The following PEBP4 variants were observed in gnomAD, a reference collection of about 807,000 sequenced individuals.
PEBP4 encodes the protein phosphatidylethanolamine binding protein 4, also known as phosphatidylethanolamine-binding protein 4.
PEBP4 carries 22 observed loss-of-function variants against 23.9 expected under a neutral mutation model. The ratio of observed to expected loss-of-function variants is 0.92; its 90% CI spans 0.66 to 1.31. The LOEUF (loss-of-function observed/expected upper bound fraction) is 1.31. Ranked by LOEUF, PEBP4 falls within the 40% of genes most tolerant of loss-of-function variation. The pLI, the probability that PEBP4 is intolerant of heterozygous loss-of-function variation, is 0.00. For missense variants in PEBP4, 324 were observed against 281.7 expected (o/e 1.15, Z -1.07); for synonymous variants, 112 against 99.3 (o/e 1.13, Z -0.76).
At chr8:22,923,231 G>T (rs1262938097) in intron 2 of PEBP4, among the ~76,000 whole-genome samples, 1 of 152,144 alleles carries the variant, frequency 6.6e-6, no homozygotes, top group African/African-American at 2.4e-5. Context: ...CCAGGCTTCA[G>T]TTTGAGCTAG....
At chr8:22,774,285 C>T (rs948213875) in intron 4 of PEBP4, among the ~76,000 whole-genome samples, 16 of 152,192 alleles carry the variant, frequency 1.1e-4, no homozygotes, top group Non-Finnish European at 2.1e-4. Context: ...TTCTGCATCT[C>T]ACTCATCTCC....
chr8:22,918,545 A>C (rs1235681119), intron 3 of PEBP4, among the ~76,000 whole-genome samples: 1 of 152,172 alleles, frequency 6.6e-6, no homozygotes, highest in Non-Finnish European at 1.5e-5. Flanking sequence ...TCTGGAGGAC[A>C]CCAGGTGCTC....
intron 3 of PEBP4, among the ~76,000 whole-genome samples, chr8:22,891,091 G>A (rs1466847085): frequency 1.3e-5 from 2 of 152,204 alleles, no homozygotes; most frequent in African/African-American, 4.8e-5. Context: ...GCATCCCAAA[G>A]TGCTGGGATT....
At chr8:22,796,853 A>C (rs1032362809) in intron 4 of PEBP4, among the ~76,000 whole-genome samples, 1 of 152,076 alleles carries the variant, frequency 6.6e-6, no homozygotes, top group African/African-American at 2.4e-5. Flanking sequence ...AATGTACACT[A>C]TTTGGGTGAT....
At chr8:22,820,276 T>A (rs1806831623) in intron 3 of PEBP4, among the ~76,000 whole-genome samples, 2 of 152,188 alleles carry the variant, frequency 1.3e-5, no homozygotes, top group Non-Finnish European at 2.9e-5. Flanking sequence ...ATACCATAGG[T>A]ATGTGGTAGG....
At chr8:22,860,552 G>A (rs146461048) in intron 3 of PEBP4, among the ~76,000 whole-genome samples, 271 of 152,238 alleles carry the variant, frequency 1.8e-3, no homozygotes, top group African/African-American at 6.1e-3. Context: ...AGTAGCATGG[G>A]CCAGAATTTC....
intron 4 of PEBP4, among the ~76,000 whole-genome samples, chr8:22,756,356 A>G (rs1345202064): frequency 6.6e-6 from 1 of 152,336 alleles, no homozygotes; most frequent in Non-Finnish European, 1.5e-5. Flanking sequence ...GCCCCAGCTC[A>G]GGAGAGCTAA....
intron 6 of PEBP4, among the ~76,000 whole-genome samples, chr8:22,718,436 A>G (rs752511057): frequency 1.3e-5 from 2 of 152,206 alleles, no homozygotes; most frequent in Non-Finnish European, 2.9e-5. Context: ...TGGTTTCTTC[A>G]CGATGTGTTC....
At chr8:22,720,863 A>G (rs775837134) in intron 6 of PEBP4, among the ~76,000 whole-genome samples, 6 of 152,190 alleles carry the variant, frequency 3.9e-5, no homozygotes, top group Non-Finnish European at 7.3e-5. Flanking sequence ...CAGGGACACC[A>G]TCACATGGTG....
chr8:22,793,935 T>C (rs954695642), intron 4 of PEBP4, among the ~76,000 whole-genome samples: 1 of 152,216 alleles, frequency 6.6e-6, no homozygotes, highest in East Asian at 1.9e-4. Context: ...TATGAGAAGA[T>C]ACTGGATGAC....
upstream of PEBP4, among the ~76,000 whole-genome samples, chr8:22,931,089 T>G (rs1007417445): frequency 1.3e-5 from 2 of 152,194 alleles, no homozygotes; most frequent in African/African-American, 4.8e-5. Context: ...AATCACTGCC[T>G]AGGCCTCACT....
intron 3 of PEBP4, among the ~76,000 whole-genome samples, chr8:22,869,795 G>A (rs1160040589): frequency 6.6e-6 from 1 of 152,148 alleles, no homozygotes; most frequent in East Asian, 1.9e-4. Flanking sequence ...TCCCAAAGAA[G>A]CATATGAAAA....
At chr8:22,722,472 A>T (rs1804537469) in intron 6 of PEBP4, among the ~76,000 whole-genome samples, 1 of 152,222 alleles carries the variant, frequency 6.6e-6, no homozygotes, top group Non-Finnish European at 1.5e-5. Context: ...CTCTGGCTGG[A>T]GAGAGCACAG....
chr8:22,845,299 C>G (rs894043302), intron 3 of PEBP4, among the ~76,000 whole-genome samples: 6 of 150,038 alleles, frequency 4.0e-5, no homozygotes, highest in Non-Finnish European at 8.9e-5. Flanking sequence ...TCTGGGAGGC[C>G]AAGGCAGGAG....
intron 3 of PEBP4, chr8:22,884,846 C>G (rs1288346440): frequency 6.6e-6 from 1 of 152,180 alleles, no homozygotes; most frequent in African/African-American, 2.4e-5. Context: ...TTCCCTTTAT[C>G]TCACCTGAAA....
chr8:22,898,041 C>A (rs1585331168), intron 3 of PEBP4, among the ~76,000 whole-genome samples: 1 of 152,120 alleles, frequency 6.6e-6, no homozygotes, highest in South Asian at 2.1e-4. Flanking sequence ...TCTTCTGGCA[C>A]CTTGATCTCA....
chr8:22,737,580 G>A (rs996491111), intron 4 of PEBP4, among the ~76,000 whole-genome samples: 45 of 152,090 alleles, frequency 3.0e-4, no homozygotes, highest in African/African-American at 1.1e-3. Flanking sequence ...CTGCTTTGTG[G>A]TCTGATTTCT....
At chr8:22,791,197 G>A (rs1563217294) in intron 4 of PEBP4, among the ~76,000 whole-genome samples, 1 of 152,104 alleles carries the variant, frequency 6.6e-6, no homozygotes, top group African/African-American at 2.4e-5. Flanking sequence ...AAGGGGAAGG[G>A]GCTGCCATAT....
intron 3 of PEBP4, among the ~76,000 whole-genome samples, chr8:22,915,945 T>A (rs1809063548): frequency 6.6e-6 from 1 of 152,138 alleles, no homozygotes. Context: ...AAAATTTGGG[T>A]TGAAACTTGT....
Sources: gnomAD v4.1 joint callset for allele counts (sites outside exome capture counted in the v4.1 genomes callset) on GRCh38, gnomAD v4.1.1 for gene constraint, MANE v1.5 for transcripts, NCBI Gene and HGNC (gene_info 2026-07-23, HGNC 2026-07-21) for gene names.